THUMPD3: variants seen among roughly 807,000 people sequenced by gnomAD.
THUMPD3 encodes the protein tRNA (guanine(6)-N(2))-methyltransferase THUMP3.
In THUMPD3, 44 loss-of-function variants were observed where a neutral mutation model predicts 54.5. The observed-to-expected ratio is 0.81, with a 90% CI of 0.63 to 1.04. The LOEUF is 1.04. Among genes scored for constraint, THUMPD3 ranks in the 50% least tolerant of loss-of-function variants. The pLI, the probability that THUMPD3 is intolerant of heterozygous loss-of-function variation, is 0.00. For missense variants in THUMPD3, 604 were observed against 601.3 expected (o/e 1.00, Z -0.05); for synonymous variants, 196 against 201.4 (o/e 0.97, Z 0.23).
chr3:9,380,369 A>G (rs2032785695), intron 6 of THUMPD3, 134 bp from the exon 7 acceptor site: 2 of 609,342 alleles, frequency 3.3e-6, no homozygotes, highest in South Asian at 2.1e-5. Context: ...ATTTTCAGCC[A>G]GGGAAATAGC....
rs2031421058 is a variant in THUMPD3, at chr3:9,365,127, A to G, written c.59A>G (p.Gln20Arg). The G allele has an allele frequency of 1.2e-6, 2 of 1,614,126 alleles. No homozygotes were observed. The highest frequency in any genetic ancestry group is 1.7e-6 in the Non-Finnish European group (2 of 1,180,050). ...QLLDVNLHEN[Q>R]KSVQVTESDL... ...CTAGATGTGAACCTTCATGAGAACC[A>G]GAAGTCTGTACAAGTGACAGAAAGT... is the stretch of plus-strand genomic sequence containing the variant. The change falls in exon 2 of 10, where the codon CAG becomes CGG. Residue 20 changes from glutamine to arginine, a missense_variant. Physicochemically the swap from Gln to Arg is conservative, Grantham distance 43. Coordinates refer to ENST00000452837, the MANE Select transcript of THUMPD3 (RefSeq NM_001114092.2).
intron 5 of THUMPD3, 95 bp from the exon 6 acceptor site, chr3:9,377,723 TG>T: frequency 1.1e-6 from 1 of 910,708 alleles, no homozygotes; most frequent in Non-Finnish European, 1.8e-6. Flanking sequence ...TTCGGGCTAG[TG>T]TGGTAGGTCC....
At chr3:9,369,314 A>AAC (rs2031834320) in intron 3 of THUMPD3, among the ~76,000 whole-genome samples, 1 of 150,278 alleles carries the variant, frequency 6.7e-6, no homozygotes, top group African/African-American at 2.4e-5. Flanking sequence ...CGTCTCAAAA[A>AAC]AAAAAAAAAA....
chr3:9,374,556 T>C lies in THUMPD3; in HGVS notation c.848T>C (p.Ile283Thr). 2 of 1,614,094 alleles carry C rather than the reference T, an allele frequency of 1.2e-6. No individual in the cohort carries two copies. The highest frequency in any genetic ancestry group is 1.7e-6 in the Non-Finnish European group (2 of 1,179,940). Residue 283 changes from isoleucine (I) to threonine (T), a missense_variant, in exon 5 of 10, where the codon ATT becomes ACT. Ile to Thr is a moderately conservative substitution (Grantham distance 89). Transcript: ENST00000452837. ...CATGATAATGAAGTCATTGTGGGCATTGCATTGACTGAAGAGAGTCTCCAC... is the reference window on the plus strand; with the variant it reads ...CATGATAATGAAGTCATTGTGGGCACTGCATTGACTGAAGAGAGTCTCCAC... ...NIHDNEVIVG[I>T]ALTEESLHRR...
chr3:9,366,582 T>C (rs1391187838), intron 2 of THUMPD3, among the ~76,000 whole-genome samples: 1 of 152,218 alleles, frequency 6.6e-6, no homozygotes, highest in Non-Finnish European at 1.5e-5. Context: ...CATTGCAGCA[T>C]ACAGTGTACC....
At chr3:9,378,013 T>G (rs972545850) in intron 6 of THUMPD3, 125 bp downstream of exon 6, 1 of 755,388 alleles carries the variant, frequency 1.3e-6, no homozygotes, top group African/African-American at 1.8e-5. Context: ...TTTAAAACAA[T>G]TAACAATAGA....
chr3:9,369,139 A>G (rs2031811425), intron 3 of THUMPD3, among the ~76,000 whole-genome samples: 1 of 151,820 alleles, frequency 6.6e-6, no homozygotes, highest in South Asian at 2.1e-4. Context: ...GTGAAACACC[A>G]TCTCTACTAA....
rs148267685 is a variant in THUMPD3, at chr3:9,371,142, G to A, written c.413G>A (p.Ser138Asn). 2.5e-3 allele frequency: 4,055 copies of A among 1,609,920 alleles called. 11 individuals are homozygous for A. Among genetic ancestry groups the A allele is most frequent in the Non-Finnish European group, 3.1e-3 (3,631 of 1,179,140 alleles). The change falls in exon 4 of 10, where the codon AGT (serine) becomes AAT (asparagine). Residue 138 changes from serine (S) to asparagine (N), a missense_variant. Ser to Asn is a conservative substitution (Grantham distance 46). Transcript: ENST00000452837. ...NPLKVWKINA[S>N]FKKKKAKRKK... ...TTAAAAGTGTGGAAAATTAATGCCA[G>A]TTTTAAAAAGAAAAAAGCAAAGCGC...
Position 9,366,912 on chromosome 3 carries a change from A to G in THUMPD3, c.257A>G (p.His86Arg), listed in dbSNP as rs2031610403. 1 of 1,608,834 alleles carries G rather than the reference A, an allele frequency of 6.2e-7. No individual in the cohort carries two copies. Among genetic ancestry groups the G allele is most frequent in the African/African-American group, 1.3e-5 (1 of 74,588 alleles). The change falls in exon 3 of 10, where the codon CAT (histidine) becomes CGT (arginine). Residue 86 changes from histidine (H) to arginine (R), a missense_variant. Physicochemically the swap from His to Arg is conservative, Grantham distance 29 (BLOSUM62 0). Coordinates refer to ENST00000452837, the MANE Select transcript of THUMPD3 (RefSeq NM_001114092.2). Reference sequence around the variant, plus strand: ...GTTTCTTTTTTTTTCACCCAGGTTCATTGTCTGAGATCAGTTGATAACTTA... The same window carrying G: ...GTTTCTTTTTTTTTCACCCAGGTTCGTTGTCTGAGATCAGTTGATAACTTA... ...VISVESLAQV[H>R]CLRSVDNLFV...
rs767341227 is a variant in THUMPD3, at chr3:9,374,552, G to A, written c.844G>A (p.Gly282Ser). Residue 282 changes from glycine (G) to serine (S), a missense_variant, in exon 5 of 10, where the codon GGC becomes AGC. By Grantham distance (56) the Gly-to-Ser change is moderately conservative. Coordinates refer to ENST00000452837, the MANE Select transcript of THUMPD3 (RefSeq NM_001114092.2). ...CATCCATGATAATGAAGTCATTGTG[G>A]GCATTGCATTGACTGAAGAGAGTCT... ...LNIHDNEVIV[G>S]IALTEESLHR... The A allele has an allele frequency of 1.9e-6, 3 of 1,613,860 alleles. No homozygotes were observed. Among genetic ancestry groups the A allele is most frequent in the Admixed American group, 3.3e-5 (2 of 60,010 alleles).
intron 6 of THUMPD3, among the ~76,000 whole-genome samples, chr3:9,378,762 T>G (rs984359080): frequency 1.3e-5 from 2 of 152,208 alleles, no homozygotes; most frequent in African/African-American, 4.8e-5. Flanking sequence ...CATGTGACTG[T>G]GTTCCGTGAA....
At position 9,384,672 on chromosome 3, in the gene THUMPD3, G is replaced by A; in HGVS notation, c.1508G>A (p.Trp503Ter). 2 of 1,614,108 alleles carry A rather than the reference G, an allele frequency of 1.2e-6. No homozygotes were observed. Among genetic ancestry groups the A allele is most frequent in the Non-Finnish European group, 1.7e-6 (2 of 1,180,030 alleles). ...SEQDGERGTL[W>*]QCKE ...CAAGACGGAGAAAGAGGAACTCTTT[G>A]GCAATGCAAAGAATGAAGATGACTA... Residue 503 changes from tryptophan (W) to a stop codon, truncating the protein, a stop_gained, in exon 10 of 10, where the codon TGG becomes TAG. Transcript: ENST00000452837. LOFTEE classifies it high-confidence loss of function.
intron 1 of THUMPD3, 83 bp downstream of exon 1, chr3:9,363,210 A>G (rs2031037980): frequency 6.6e-6 from 1 of 152,170 alleles, no homozygotes; most frequent in African/African-American, 2.4e-5. Context: ...TTCCTCTTGC[A>G]GTTGAGGCCG....
At chr3:9,367,444 A>G (rs566170225) in intron 3 of THUMPD3, among the ~76,000 whole-genome samples, 142 of 152,342 alleles carry the variant, frequency 9.3e-4, no homozygotes, top group Middle Eastern at 3.4e-3. Context: ...TTAGGACAAC[A>G]GCTTTGTCTC....
rs1242008380 is a variant in THUMPD3, at chr3:9,380,525, G to A, written c.1031G>A (p.Cys344Tyr). The change falls in exon 7 of 10, where the codon TGT becomes TAT. Residue 344 changes from cysteine (C) to tyrosine (Y), a missense_variant. By Grantham distance (194) the Cys-to-Tyr change is radical. Transcript: ENST00000452837. ...TAGGGGGCCACTGAATGGTCTGACTGTTTCCATATTGCTGGTGATAATAAT... is the reference window on the plus strand; with the variant it reads ...TAGGGGGCCACTGAATGGTCTGACTATTTCCATATTGCTGGTGATAATAAT... ...PIEGATEWSDCFHIAGDNNPL... is the reference protein window; with the variant it reads ...PIEGATEWSDYFHIAGDNNPL... The A allele has an allele frequency of 1.2e-6, 2 of 1,612,724 alleles. No individual in the cohort carries two copies. Among genetic ancestry groups the A allele is most frequent in the Non-Finnish European group, 8.5e-7 (1 of 1,179,178 alleles).
Position 9,384,869 on chromosome 3 carries a change from G to C in THUMPD3, c.*181G>C. On this transcript the variant is annotated 3_prime_UTR_variant, in exon 10 of 10. Transcript: ENST00000452837. Reference sequence around the variant, plus strand: ...GGAATTTAAAAGTTTTATGAGACCAGGCACAGTGGCTCACGACTGTAATTC... The same window carrying C: ...GGAATTTAAAAGTTTTATGAGACCACGCACAGTGGCTCACGACTGTAATTC... 1.5e-6 allele frequency: 1 copy of C among 668,086 alleles called. No homozygotes were observed. The allele number at this position is 668,086 out of a possible 1,614,324, so 41.4% of individuals were successfully genotyped here. A position where few individuals can be genotyped will look rare whatever the true frequency, so the allele number is the denominator to read the frequency against.
chr3:9,364,089 G>A (rs961165978), intron 1 of THUMPD3: 21 of 151,690 alleles, frequency 1.4e-4, no homozygotes, highest in African/African-American at 4.8e-4. Flanking sequence ...TGCATGAAAT[G>A]CTATTTCACA....
rs762024095 is a variant in THUMPD3, at chr3:9,386,058, G to C, written c.*1370G>C. ...AATAGTACTCCTCTTAATACTTTCT[G>C]ATGTCTCCATTGAGAATAAAAGGAC... On this transcript the variant is annotated 3_prime_UTR_variant, in exon 10 of 10. Coordinates refer to ENST00000452837, the MANE Select transcript of THUMPD3 (RefSeq NM_001114092.2). The C allele has an allele frequency of 6.6e-6, 1 of 152,140 alleles. No homozygotes were observed. The highest frequency in any genetic ancestry group is 1.5e-5 in the Non-Finnish European group (1 of 68,032). The allele number at this position is 152,140 out of a possible 1,614,324, so 9.4% of individuals were successfully genotyped here.
chr3:9,377,024 C>T lies in THUMPD3; in HGVS notation c.939-795C>T, dbSNP rs115190018. ...TTTTTCCTTTTTTTATTACCTAGTC[C>T]CACAGAGCAATTTTTTTATATCAAG... On this transcript the variant is annotated intron_variant, in intron 5 of 9. Coordinates refer to ENST00000452837, the MANE Select transcript of THUMPD3 (RefSeq NM_001114092.2). 4.3e-3 allele frequency among the ~76,000 whole-genome samples: 649 copies of T among 152,084 alleles called. 6 individuals are homozygous for T. The highest frequency in any genetic ancestry group is 0.015 in the African/African-American group (625 of 41,464).
Sources: gnomAD v4.1 joint callset for allele counts (sites outside exome capture counted in the v4.1 genomes callset) on GRCh38, gnomAD v4.1.1 for gene constraint, MANE v1.5 for transcripts, NCBI Gene and HGNC (gene_info 2026-07-23, HGNC 2026-07-21) for gene names.